The following GUCY1A2 variants were observed in gnomAD, a reference collection of about 807,000 sequenced individuals.
GUCY1A2 encodes guanylate cyclase soluble subunit alpha-2.
In GUCY1A2, 27 loss-of-function variants were observed where a neutral mutation model predicts 63.5. The observed-to-expected ratio is 0.43, with a 90% CI of 0.31 to 0.59. The LOEUF is 0.59. Ranked by LOEUF, GUCY1A2 falls within the 20% of genes least tolerant of loss-of-function variation. The probability of loss-of-function intolerance (pLI) is 0.11; values close to 1 mark genes in which losing one functional copy is unlikely to be tolerated. For missense variants in GUCY1A2, 768 were observed against 913.3 expected (o/e 0.84, Z 2.05); for synonymous variants, 364 against 343.5 (o/e 1.06, Z -0.66).
At chr11:106,886,564 A>G (rs11211960) in intron 4 of GUCY1A2, among the ~76,000 whole-genome samples, 14,596 of 152,156 alleles carry the variant, frequency 0.096, 755 homozygotes, top group East Asian at 0.14. Context: ...GTGTGTGCTT[A>G]TGTTATCTAC....
chr11:107,009,214 G>T (rs1221785988), intron 1 of GUCY1A2, among the ~76,000 whole-genome samples: 4 of 152,140 alleles, frequency 2.6e-5, no homozygotes, highest in Admixed American at 2.6e-4. Flanking sequence ...TTTTGGTAAG[G>T]TTTGAGAGGT....
intron 7 of GUCY1A2, among the ~76,000 whole-genome samples, chr11:106,693,694 A>G (rs1862666885): frequency 2.0e-5 from 3 of 152,062 alleles, no homozygotes; most frequent in African/African-American, 7.2e-5. Context: ...AAAACATTCT[A>G]TTTTCTGGAA....
At chr11:106,831,312 A>G (rs1006095296) in intron 4 of GUCY1A2, among the ~76,000 whole-genome samples, 1 of 152,210 alleles carries the variant, frequency 6.6e-6, no homozygotes, top group Admixed American at 6.5e-5. Context: ...ACAACGTGTA[A>G]AAAACTCCTT....
chr11:106,962,463 G>A (rs779310610), intron 3 of GUCY1A2, among the ~76,000 whole-genome samples: 5 of 151,334 alleles, frequency 3.3e-5, no homozygotes, highest in Admixed American at 6.6e-5. Context: ...GCTGAGGCAG[G>A]AGAATCGCTT....
At chr11:106,958,157 T>C (rs1861014566) in intron 3 of GUCY1A2, among the ~76,000 whole-genome samples, 1 of 152,144 alleles carries the variant, frequency 6.6e-6, no homozygotes, top group South Asian at 2.1e-4. Context: ...AATCTTATGA[T>C]TACGTATATA....
chr11:106,919,807 A>C (rs1044437349), intron 4 of GUCY1A2, among the ~76,000 whole-genome samples: 1 of 152,168 alleles, frequency 6.6e-6, no homozygotes, highest in Non-Finnish European at 1.5e-5. Flanking sequence ...AGAGAATAAC[A>C]TGAGTTCACA....
chr11:106,824,416 G>T (rs1858940574), intron 4 of GUCY1A2, among the ~76,000 whole-genome samples: 1 of 152,134 alleles, frequency 6.6e-6, no homozygotes, highest in African/African-American at 2.4e-5. Flanking sequence ...TGGAATGGGA[G>T]GACTCTGTTT....
At chr11:106,718,976 A>C (rs974706224) in intron 6 of GUCY1A2, among the ~76,000 whole-genome samples, 1 of 152,158 alleles carries the variant, frequency 6.6e-6, no homozygotes, top group Non-Finnish European at 1.5e-5. Context: ...TTGGCTATCT[A>C]ACCAATGGCA....
chr11:106,973,981 T>C (rs1034250641), intron 3 of GUCY1A2, among the ~76,000 whole-genome samples: 3 of 151,960 alleles, frequency 2.0e-5, no homozygotes, highest in Non-Finnish European at 4.4e-5. Context: ...AAATAAGAAA[T>C]ATGAGGTAAG....
At position 106,738,360 on chromosome 11, in the gene GUCY1A2, T is replaced by C. The variant is rs192906807; in HGVS notation, c.1837-29694A>G. On this transcript the variant is annotated intron_variant, in intron 6 of 7. Transcript: ENST00000526355. Reference sequence around the variant, plus strand: ...CTAGGTTGCCTGTTCACTCTGCTGATAGTTTCTTTTGCTGTGCAGAAGCTC... The same window carrying C: ...CTAGGTTGCCTGTTCACTCTGCTGACAGTTTCTTTTGCTGTGCAGAAGCTC... Among the ~76,000 whole-genome samples the C allele has an allele frequency of 8.5e-5, 13 of 152,360 alleles. No individual in the cohort carries two copies. The East Asian group carries it at 2.5e-3, about 29-fold the overall frequency.
chr11:106,966,096 T>A (rs140155981), intron 3 of GUCY1A2, among the ~76,000 whole-genome samples: 1 of 151,950 alleles, frequency 6.6e-6, no homozygotes, highest in Non-Finnish European at 1.5e-5. Flanking sequence ...CACTGGCTTA[T>A]TTTTCTTCTC....
intron 4 of GUCY1A2, among the ~76,000 whole-genome samples, chr11:106,907,992 C>A (rs1020640117): frequency 2.0e-5 from 3 of 151,958 alleles, no homozygotes; most frequent in African/African-American, 4.8e-5. Flanking sequence ...TTACACAATC[C>A]AAATACAATA....
intron 1 of GUCY1A2, among the ~76,000 whole-genome samples, chr11:107,007,396 T>G (rs1861685016): frequency 6.6e-6 from 1 of 152,180 alleles, no homozygotes; most frequent in Admixed American, 6.5e-5. Flanking sequence ...AGGCTAGAAA[T>G]GTCTTTGGAT....
chr11:106,889,309 A>G (rs962941194), intron 4 of GUCY1A2, among the ~76,000 whole-genome samples: 2 of 152,210 alleles, frequency 1.3e-5, no homozygotes, highest in African/African-American at 4.8e-5. Context: ...AGTGCCCAGA[A>G]AAGTTGTGGA....
At chr11:106,824,989 T>C in intron 4 of GUCY1A2, 3 of 1,611,282 alleles carry the variant, frequency 1.9e-6, no homozygotes, top group East Asian at 2.2e-5. Context: ...TAATTAAAGA[T>C]GGTTTATGCA....
chr11:106,737,637 G>A (rs1025255019), intron 6 of GUCY1A2, among the ~76,000 whole-genome samples: 2 of 152,288 alleles, frequency 1.3e-5, no homozygotes, highest in South Asian at 4.1e-4. Flanking sequence ...TTATGAGTGA[G>A]AACATGCGGT....
At chr11:106,805,305 G>GC (rs1230453013) in intron 5 of GUCY1A2, among the ~76,000 whole-genome samples, 1 of 151,572 alleles carries the variant, frequency 6.6e-6, no homozygotes, top group Non-Finnish European at 1.5e-5. Context: ...GAATGCAGTG[G>GC]CGTGATCTCA....
At chr11:106,900,878 T>C (rs1341385405) in intron 4 of GUCY1A2, among the ~76,000 whole-genome samples, 3 of 152,242 alleles carry the variant, frequency 2.0e-5, no homozygotes, top group Non-Finnish European at 4.4e-5. Context: ...CAACTTGTAA[T>C]CCTTCTGCTG....
At chr11:106,814,511 G>A (rs1034694148) in intron 4 of GUCY1A2, among the ~76,000 whole-genome samples, 1 of 151,986 alleles carries the variant, frequency 6.6e-6, no homozygotes, top group Non-Finnish European at 1.5e-5. Flanking sequence ...AAATTGTATG[G>A]CTAGAGTCAC....
Sources: allele counts gnomAD v4.1 joint callset (sites outside exome capture counted in the v4.1 genomes callset), GRCh38; gene constraint gnomAD v4.1.1; transcripts MANE v1.5; gene names NCBI Gene and HGNC (gene_info 2026-07-23, HGNC 2026-07-21).